The following MUC3A variants were observed in gnomAD, a reference collection of about 807,000 sequenced individuals.
MUC3A encodes mucin 3A, cell surface associated, also known as mucin-3A.
MUC3A carries 109 observed loss-of-function variants against 109.0 expected under a neutral mutation model. The ratio of observed to expected loss-of-function variants is 1.00; its 90% CI spans 0.86 to 1.17. The LOEUF is 1.17. Among genes scored for constraint, MUC3A ranks in the 50% most tolerant of loss-of-function variants. The pLI, the probability that MUC3A is intolerant of heterozygous loss-of-function variation, is 0.00. For synonymous variants in MUC3A, 1,398 were observed against 981.4 expected (o/e 1.42, Z -7.93); for missense variants, 3,537 against 2,469.4 (o/e 1.43, Z -9.16).
chr7:100,958,952 C>T lies in MUC3A; in HGVS notation c.7173C>T (p.Gly2391=), dbSNP rs773426518. The T allele has an allele frequency of 2.6e-6, 4 of 1,511,422 alleles. No homozygotes were observed. Among genetic ancestry groups the T allele is most frequent in the East Asian group, 2.4e-5 (1 of 41,038 alleles). 93.6% of individuals were successfully genotyped at this position (1,511,422 alleles called of 1,614,324 possible). A position where few individuals can be genotyped will look rare whatever the true frequency, so the allele number is the denominator to read the frequency against. The change falls in exon 2 of 12, where the codon GGC becomes GGT. Residue 2391 remains glycine (G), a synonymous_variant. Transcript: ENST00000379458. The stretch of plus-strand genomic sequence containing the variant: ...AGACCCCCTTACACAGTACTCCTGG[C>T]CTCACTTCGTGGGTCACCACCACCA... ...TTETPLHSTP[G]LTSWVTTTKT...
Position 100,959,911 on chromosome 7 carries a change from C to T in MUC3A, c.8132C>T (p.Pro2711Leu), listed in dbSNP as rs781158528. ...TTTTCCACTACCATTCATTCTGTTCCTTCTTCACCATACATTTTCAGTACA... is the reference window on the plus strand; with the variant it reads ...TTTTCCACTACCATTCATTCTGTTCTTTCTTCACCATACATTTTCAGTACA... Reference protein sequence around the residue: ...PVFSTTIHSVPSSPYIFSTEN... With the variant: ...PVFSTTIHSVLSSPYIFSTEN... The change falls in exon 2 of 12, where the codon CCT becomes CTT. Residue 2711 changes from proline to leucine, a missense_variant. Pro to Leu is a moderately conservative substitution (Grantham distance 98). Coordinates refer to ENST00000379458, the MANE Select transcript of MUC3A (RefSeq NM_005960.2). 6 of 1,525,142 alleles carry T rather than the reference C, an allele frequency of 3.9e-6. No homozygotes were observed. In the Admixed American group the frequency reaches 6.2e-5, roughly 16 times the overall value. The allele number at this position is 1,525,142 out of a possible 1,614,324, so 94.5% of individuals were successfully genotyped here.
rs749170559 is a variant in MUC3A, at chr7:100,967,110, G to T, written c.9931-11G>T. On this transcript the variant is annotated splice_polypyrimidine_tract_variant and intron_variant, in intron 11 of 11. Coordinates refer to ENST00000379458, the MANE Select transcript of MUC3A (RefSeq NM_005960.2). ...GCTCCGCGTTCCCGTCCCTCACTGT[G>T]ACTCTGACAGGTGCACATCAAGAGA... 1 of 1,598,550 alleles carries T rather than the reference G, an allele frequency of 6.3e-7. No individual in the cohort carries two copies. Among genetic ancestry groups the T allele is most frequent in the African/African-American group, 1.3e-5 (1 of 75,086 alleles).
rs587750271 is a variant in MUC3A at position 100,965,882 on chromosome 7, C to G, written c.9611+16C>G. The G allele has an allele frequency of 1.3e-5, 21 of 1,582,766 alleles. No individual in the cohort carries two copies. The South Asian group carries it at 2.3e-4, about 17-fold the overall frequency. ...CCACGTGTCGGTAAGGCCCCGCTCA[C>G]CATCGGCATCAGCCGAGCCCCTCCC... On this transcript the variant is annotated intron_variant, in intron 8 of 11. Coordinates refer to ENST00000379458, the MANE Select transcript of MUC3A (RefSeq NM_005960.2).
In MUC3A at chr7:100,967,253, G is replaced by A. The variant is rs1792627709; in HGVS notation, c.*91G>A. On this transcript the variant is annotated 3_prime_UTR_variant, in exon 12 of 12. Coordinates refer to ENST00000379458, the MANE Select transcript of MUC3A (RefSeq NM_005960.2). Reference sequence around the variant, plus strand: ...ATTTCAAGAGGTGGCCCCAGGACGCGGGCAGCCCAGGCTCCTGCTGTTCTT... The same window carrying A: ...ATTTCAAGAGGTGGCCCCAGGACGCAGGCAGCCCAGGCTCCTGCTGTTCTT... 3.2e-6 allele frequency: 5 copies of A among 1,558,878 alleles called. No homozygotes were observed. Among genetic ancestry groups the A allele is most frequent in the Admixed American group, 1.8e-5 (1 of 55,932 alleles).
intron 3 of MUC3A, among the ~76,000 whole-genome samples, chr7:100,961,182 A>G (rs1406744860): frequency 6.6e-6 from 1 of 152,306 alleles, no homozygotes; most frequent in East Asian, 1.9e-4. Context: ...TTGGAGCTGT[A>G]TCAGTTTCCA....
chr7:100,959,334 T>G lies in MUC3A; in HGVS notation c.7555T>G (p.Leu2519Val). 1 of 1,553,826 alleles carries G rather than the reference T, an allele frequency of 6.4e-7. No homozygotes were observed. Among genetic ancestry groups the G allele is most frequent in the Non-Finnish European group, 8.6e-7 (1 of 1,157,740 alleles). Residue 2519 changes from leucine to valine, a missense_variant, in exon 2 of 12, where the codon TTA becomes GTA. Leu to Val is a conservative substitution (Grantham distance 32, BLOSUM62 1). Coordinates refer to ENST00000379458, the MANE Select transcript of MUC3A (RefSeq NM_005960.2). ...FPSIPTDIST[L>V]PTRTHIISSS... ...CTCTATACCCACTGATATCAGTACC[T>G]TACCAACTCGAACACACATCATTTC...
At position 100,959,227 on chromosome 7, in the gene MUC3A, A is replaced by G; in HGVS notation, c.7448A>G (p.Asp2483Gly). The G allele has an allele frequency of 6.3e-7, 1 of 1,598,420 alleles. No individual in the cohort carries two copies. Among genetic ancestry groups the G allele is most frequent in the Non-Finnish European group, 8.5e-7 (1 of 1,179,744 alleles). ...TPVTPSSLST[D>G]IPTTSLRTLT... ...GTAACCCCATCTTCTCTGAGTACAG[A>G]CATCCCGACCACAAGCCTACGAACT... Residue 2483 changes from aspartate to glycine, a missense_variant, in exon 2 of 12, where the codon GAC becomes GGC. Transcript: ENST00000379458.
rs6960854 is a variant in MUC3A, at chr7:100,964,800, G to A, written c.9339G>A (p.Leu3113=). 1.3e-6 allele frequency: 2 copies of A among 1,598,006 alleles called. No individual in the cohort carries two copies. The highest frequency in any genetic ancestry group is 2.7e-5 in the African/African-American group (2 of 74,930). The change falls in exon 6 of 12, where the codon CTG becomes CTA. Residue 3113 remains leucine (L), a synonymous_variant. Coordinates refer to ENST00000379458, the MANE Select transcript of MUC3A (RefSeq NM_005960.2). ...EQVKTTLKEG[L]QNASQDVNSC... ...TGAAGACCACGCTGAAGGAGGGGCT[G>A]CAGAACGCCAGCCAGGATGTGAACA...
At position 100,960,379 on chromosome 7, in the gene MUC3A, C is replaced by G; in HGVS notation, c.8600C>G (p.Pro2867Arg). ...ACAGTTTTCACAAGTACTCGACTGC[C>G]CACCAGTGAGACCTGGCTGAGCAAC... ...TNTVFTSTRL[P>R]TSETWLSNSS... Residue 2867 changes from proline to arginine, a missense_variant, in exon 2 of 12, where the codon CCC becomes CGC. Transcript: ENST00000379458. 1 of 1,598,552 alleles carries G rather than the reference C, an allele frequency of 6.3e-7. No homozygotes were observed. Among genetic ancestry groups the G allele is most frequent in the South Asian group, 1.1e-5 (1 of 91,092 alleles).
chr7:100,964,005 G>C (rs1377865766), intron 5 of MUC3A: 1 of 627,010 alleles, frequency 1.6e-6, no homozygotes, highest in Non-Finnish European at 2.8e-6. Flanking sequence ...GTGGTGCCTG[G>C]ATTGATGACT....
At chr7:100,962,797 T>TC (rs1554239150) in intron 3 of MUC3A, among the ~76,000 whole-genome samples, 2,710 of 143,298 alleles carry the variant, frequency 0.019, 88 homozygotes, top group African/African-American at 0.066. Flanking sequence ...CTTTCTTTCT[T>TC]TCTCTCTCTC....
At position 100,952,856 on chromosome 7, in the gene MUC3A, T is replaced by C. The variant is rs989801050; in HGVS notation, c.1077T>C (p.Gly359=). 8 of 1,535,048 alleles carry C rather than the reference T, an allele frequency of 5.2e-6. No individual in the cohort carries two copies. The African/African-American group carries it at 8.3e-5, about 16-fold the overall frequency. ...TKIAYSTSMT[G]TLSTETSLPP... is the part of the protein sequence containing the mutation. ...TCGCCTACTCCACAAGTATGACAGG[T>C]ACATTGTCCACAGAGACTTCTCTCC... is the stretch of plus-strand genomic sequence containing the variant. The change falls in exon 2 of 12, where the codon GGT becomes GGC. Residue 359 remains glycine (G), a synonymous_variant. Coordinates refer to ENST00000379458, the MANE Select transcript of MUC3A (RefSeq NM_005960.2).
rs1339548230 is a variant in MUC3A at position 100,949,707 on chromosome 7, G to A, written c.61+22G>A. 6.6e-6 allele frequency: 10 copies of A among 1,514,000 alleles called. No homozygotes were observed. The African/African-American group carries it at 1.1e-4, about 17-fold the overall frequency. The allele number at this position is 1,514,000 out of a possible 1,614,324, so 93.8% of individuals were successfully genotyped here. The stretch of plus-strand genomic sequence containing the variant: ...ACAGGTAAGGGGGAGAGGCGGAAGG[G>A]GGTTGGAGAAAAGCTCCTGATGTGA... On this transcript the variant is annotated intron_variant, in intron 1 of 11. Coordinates refer to ENST00000379458, the MANE Select transcript of MUC3A (RefSeq NM_005960.2).
rs1250026764 is a variant in MUC3A at position 100,960,036 on chromosome 7, A to C, written c.8257A>C (p.Thr2753Pro). ...STSSSLTTAL[T>P]EITPFSYISL... ...CAGCTCCTCTCTGACCACAGCTCTCACTGAAATAACCCCCTTTTCTTATAT... is the reference window on the plus strand; with the variant it reads ...CAGCTCCTCTCTGACCACAGCTCTCCCTGAAATAACCCCCTTTTCTTATAT... Residue 2753 changes from threonine (T) to proline (P), a missense_variant, in exon 2 of 12, where the codon ACT becomes CCT. Thr to Pro is a conservative substitution (Grantham distance 38). Coordinates refer to ENST00000379458, the MANE Select transcript of MUC3A (RefSeq NM_005960.2). 2.0e-6 allele frequency: 3 copies of C among 1,509,378 alleles called. No individual in the cohort carries two copies. The highest frequency in any genetic ancestry group is 2.6e-6 in the Non-Finnish European group (3 of 1,140,242). 93.5% of individuals were successfully genotyped at this position (1,509,378 alleles called of 1,614,324 possible). A position where few individuals can be genotyped will look rare whatever the true frequency, so the allele number is the denominator to read the frequency against.
chr7:100,961,149 G>T (rs1039909016), intron 3 of MUC3A, among the ~76,000 whole-genome samples: 2 of 152,310 alleles, frequency 1.3e-5, no homozygotes, highest in Admixed American at 6.5e-5. Flanking sequence ...TCCCTCCTGG[G>T]CCCATCTCCT....
chr7:100,952,021 C>A lies in MUC3A; in HGVS notation c.242C>A (p.Ser81Tyr). Residue 81 changes from serine (S) to tyrosine (Y), a missense_variant, in exon 2 of 12, where the codon TCC becomes TAC. Ser to Tyr is a moderately radical substitution (Grantham distance 144, BLOSUM62 -2). Transcript: ENST00000379458. ...AATGCACCTATGACACTCACTACCT[C>A]CCCCCATGACACACTCATCTCTGAA... is the stretch of plus-strand genomic sequence containing the variant. Reference protein sequence around the residue: ...RENAPMTLTTSPHDTLISETL... With the variant: ...RENAPMTLTTYPHDTLISETL... The A allele has an allele frequency of 1.3e-6, 2 of 1,598,562 alleles. No homozygotes were observed. The highest frequency in any genetic ancestry group is 1.7e-6 in the Non-Finnish European group (2 of 1,179,722).
rs776891540 is a variant in MUC3A, at chr7:100,952,093, C to T, written c.314C>T (p.Thr105Met). 2.8e-5 allele frequency: 44 copies of T among 1,598,514 alleles called. No individual in the cohort carries two copies. Among genetic ancestry groups the T allele is most frequent in the South Asian group, 7.7e-5 (7 of 91,096 alleles). ...PVSSNTSTTP[T>M]SKFAFKVETT... ...AGTTCCAACACCTCAACCACCCCGA[C>T]GTCCAAGTTTGCCTTCAAGGTTGAA... The change falls in exon 2 of 12, where the codon ACG becomes ATG. Residue 105 changes from threonine (T) to methionine (M), a missense_variant. By Grantham distance (81) the Thr-to-Met change is moderately conservative (BLOSUM62 -1). Transcript: ENST00000379458.
Position 100,959,224 on chromosome 7 carries a change from C to T in MUC3A, c.7445C>T (p.Thr2482Ile). ...PTPVTPSSLS[T>I]DIPTTSLRTL... is the part of the protein sequence containing the mutation. ...CCTGTAACCCCATCTTCTCTGAGTA[C>T]AGACATCCCGACCACAAGCCTACGA... The change falls in exon 2 of 12, where the codon ACA (threonine) becomes ATA (isoleucine). Residue 2482 changes from threonine to isoleucine, a missense_variant. Coordinates refer to ENST00000379458, the MANE Select transcript of MUC3A (RefSeq NM_005960.2). The T allele has an allele frequency of 1.9e-6, 3 of 1,598,430 alleles. No homozygotes were observed. Among genetic ancestry groups the T allele is most frequent in the Non-Finnish European group, 2.5e-6 (3 of 1,179,754 alleles).
Position 100,954,909 on chromosome 7 carries a change from T to G in MUC3A, c.3130T>G (p.Leu1044Val). The change falls in exon 2 of 12, where the codon TTA becomes GTA. Residue 1044 changes from leucine (L) to valine (V), a missense_variant. Physicochemically the swap from Leu to Val is conservative, Grantham distance 32. Transcript: ENST00000379458. ...NTLSPLTSSI[L>V]SSTPVPSTEM... ...ATTATCACCACTCACCAGTAGCATT[T>G]TATCTTCTACACCTGTCCCAAGCAC... 1 of 538,224 alleles carries G rather than the reference T, an allele frequency of 1.9e-6. No individual in the cohort carries two copies. The highest frequency in any genetic ancestry group is 3.3e-6 in the Non-Finnish European group (1 of 305,888). The allele number at this position is 538,224 out of a possible 1,614,324, so 33.3% of individuals were successfully genotyped here.
Sources: gnomAD v4.1 joint callset for allele counts (sites outside exome capture counted in the v4.1 genomes callset) on GRCh38, gnomAD v4.1.1 for gene constraint, MANE v1.5 for transcripts, NCBI Gene and HGNC (gene_info 2026-07-23, HGNC 2026-07-21) for gene names.